Variants in TPCN1 observed in about 807,000 individuals in gnomAD.
TPCN1 encodes two pore channel protein 1.
A neutral mutation model predicts 108.8 loss-of-function variants in TPCN1; 52 were observed. The observed-to-expected ratio is 0.48, with a 90% CI of 0.38 to 0.60. TPCN1 has a LOEUF of 0.60. Among genes scored for constraint, TPCN1 ranks in the 20% least tolerant of loss-of-function variants. The probability of loss-of-function intolerance (pLI) is 0.00; values close to 1 mark genes in which losing one functional copy is unlikely to be tolerated. For synonymous variants in TPCN1, 446 were observed against 433.7 expected, an observed-to-expected ratio of 1.03 and a Z score of -0.35; for missense variants, 806 against 1,072.8, an observed-to-expected ratio of 0.75 and a Z score of 3.47.
chr12:113,293,869 G>A lies in TPCN1; in HGVS notation c.2334+520G>A, dbSNP rs560342101. ...GTGTTTTGTTTTGAGATGGAGTCTC[G>A]CTCTGTCTCCCAGGCTGGAGTGCAG... is the stretch of plus-strand genomic sequence containing the variant. On this transcript the variant is annotated intron_variant, in intron 27 of 27. Coordinates refer to ENST00000335509, the MANE Select transcript of TPCN1 (RefSeq NM_017901.6). Among the ~76,000 whole-genome samples, 86 of 152,250 alleles carry A rather than the reference G, an allele frequency of 5.6e-4. 1 individual carries two copies. Among genetic ancestry groups the A allele is most frequent in the African/African-American group, 2.0e-3 (82 of 41,546 alleles).
chr12:113,284,940 C>T lies in TPCN1; in HGVS notation c.1453+169C>T, dbSNP rs1161225115. 6.6e-6 allele frequency among the ~76,000 whole-genome samples: 1 copy of T among 152,146 alleles called. No individual in the cohort carries two copies. The highest frequency in any genetic ancestry group is 1.5e-5 in the Non-Finnish European group (1 of 68,034). Reference sequence around the variant, plus strand: ...CGTTTAAAACTCTTTCGTGGTTGTCCGCTGCCCTCTGGATGGAGCCCAGAT... The same window carrying T: ...CGTTTAAAACTCTTTCGTGGTTGTCTGCTGCCCTCTGGATGGAGCCCAGAT... On this transcript the variant is annotated intron_variant, in intron 17 of 27. Transcript: ENST00000335509. This position sits in a 1 kb window ranked among gnomAD's most constrained non-coding sequence, Gnocchi z 4.1.
chr12:113,276,309 T>G (rs1955670752), intron 10 of TPCN1, among the ~76,000 whole-genome samples: 1 of 152,230 alleles, frequency 6.6e-6, no homozygotes. Flanking sequence ...TTCTTTCAAG[T>G]TCTTCCCCGG....
In TPCN1 at chr12:113,288,593, C is replaced by T; in HGVS notation, c.1707-165C>T. 1 of 1,483,744 alleles carries T rather than the reference C, an allele frequency of 6.7e-7. No homozygotes were observed. Among genetic ancestry groups the T allele is most frequent in the South Asian group, 1.3e-5 (1 of 75,664 alleles). 91.9% of individuals were successfully genotyped at this position (1,483,744 alleles called of 1,614,324 possible). A position where few individuals can be genotyped will look rare whatever the true frequency, so the allele number is the denominator to read the frequency against. Reference sequence around the variant, plus strand: ...GTCCTGACTTGAGCTGTTTTTCACCCCAGAGCTGCCCCACGAGGCCCCTTC... The same window carrying T: ...GTCCTGACTTGAGCTGTTTTTCACCTCAGAGCTGCCCCACGAGGCCCCTTC... On this transcript the variant is annotated intron_variant, in intron 20 of 27. Transcript: ENST00000335509. The surrounding 1 kb of genome is among the most constrained non-coding windows in gnomAD (Gnocchi z 4.8).
chr12:113,276,914 C>A lies in TPCN1; in HGVS notation c.943-5C>A. 1 of 1,609,062 alleles carries A rather than the reference C, an allele frequency of 6.2e-7. No homozygotes were observed. Among genetic ancestry groups the A allele is most frequent in the Non-Finnish European group, 8.5e-7 (1 of 1,175,890 alleles). ...GAGCTAGGGCTCTGTGCTTCTCTCCCACAGCTTCTGGCTGTGGTGTTCGAC... is the reference window on the plus strand; with the variant it reads ...GAGCTAGGGCTCTGTGCTTCTCTCCAACAGCTTCTGGCTGTGGTGTTCGAC... On this transcript the variant is annotated splice_region_variant and splice_polypyrimidine_tract_variant and intron_variant, in intron 10 of 27. Transcript: ENST00000335509.
rs1365310911 is a variant in TPCN1, at chr12:113,284,255, G to GT, written c.1343-322dup. Among the ~76,000 whole-genome samples, 1 of 152,170 alleles carries GT rather than the reference G, an allele frequency of 6.6e-6. No individual in the cohort carries two copies. Among genetic ancestry groups the GT allele is most frequent in the Non-Finnish European group, 1.5e-5 (1 of 68,034 alleles). On this transcript the variant is annotated intron_variant, in intron 15 of 27. Transcript: ENST00000335509. This position sits in a 1 kb window ranked among gnomAD's most constrained non-coding sequence, Gnocchi z 4.1. ...TAGAAGTCTCTAGGGGAAAACAAGT[G>GT]TTTTCAATACTTGAATGCCTGGTAT...
At chr12:113,228,239 T>G (rs754069289) in intron 2 of TPCN1, among the ~76,000 whole-genome samples, 2 of 152,204 alleles carry the variant, frequency 1.3e-5, no homozygotes, top group African/African-American at 4.8e-5. Flanking sequence ...CCAGAATTCC[T>G]TCCCCTTCTC....
At chr12:113,259,134 G>A (rs1954927998) in intron 2 of TPCN1, among the ~76,000 whole-genome samples, 2 of 151,964 alleles carry the variant, frequency 1.3e-5, no homozygotes, top group Admixed American at 1.3e-4. Context: ...CTTCCACCAC[G>A]CCTGGCTACT....
Position 113,287,100 on chromosome 12 carries a change from G to A in TPCN1, c.1634+6G>A. ...CGCCCCCTCCAGCTGCTGAGGTGATGGGCAGGGCAGAGCCGGAGACAGGGA... is the reference window on the plus strand; with the variant it reads ...CGCCCCCTCCAGCTGCTGAGGTGATAGGCAGGGCAGAGCCGGAGACAGGGA... On this transcript the variant is annotated splice_donor_region_variant and intron_variant, in intron 19 of 27. Coordinates refer to ENST00000335509, the MANE Select transcript of TPCN1 (RefSeq NM_017901.6). The A allele has an allele frequency of 6.2e-7, 1 of 1,608,956 alleles. No homozygotes were observed. The highest frequency in any genetic ancestry group is 8.5e-7 in the Non-Finnish European group (1 of 1,175,962).
At chr12:113,224,280 G>T (rs1953386313) in intron 1 of TPCN1, among the ~76,000 whole-genome samples, 1 of 152,124 alleles carries the variant, frequency 6.6e-6, no homozygotes, top group African/African-American at 2.4e-5. Context: ...ATCCTGTAAT[G>T]GGGGGATAAT....
In TPCN1 at chr12:113,296,041, C is replaced by G. The variant is rs1298021371; in HGVS notation, c.2416C>G (p.Pro806Ala). 6.2e-7 allele frequency: 1 copy of G among 1,613,196 alleles called. No individual in the cohort carries two copies. Among genetic ancestry groups the G allele is most frequent in the Admixed American group, 1.7e-5 (1 of 59,996 alleles). The change falls in exon 28 of 28, where the codon CCA becomes GCA. Residue 806 changes from proline (P) to alanine (A), a missense_variant. By Grantham distance (27) the Pro-to-Ala change is conservative (BLOSUM62 -1). Transcript: ENST00000335509. ...SSAAPAAQQP[P>A]GSRQRSQTVT ...TGCAGCCCCCGCCGCCCAGCAGCCC[C>G]CAGGCAGCCGCCAGCGCTCCCAGAC...
intron 2 of TPCN1, among the ~76,000 whole-genome samples, chr12:113,228,194 G>A (rs551199561): frequency 1.3e-5 from 2 of 152,340 alleles, no homozygotes; most frequent in Admixed American, 6.5e-5. Flanking sequence ...CCAGGAAATG[G>A]TTGAGCAGAG....
rs955114273 is a variant in TPCN1, at chr12:113,297,690, C to T, written c.*1614C>T. On this transcript the variant is annotated 3_prime_UTR_variant, in exon 28 of 28. Transcript: ENST00000335509. This position sits in a 1 kb window ranked among gnomAD's most constrained non-coding sequence, Gnocchi z 4.4. ...TTGGGAAAGCAACACATTATTGAGA[C>T]TCACTGTGATTCCCCCGGGAGTCAG... is the stretch of plus-strand genomic sequence containing the variant. 6.6e-6 allele frequency: 1 copy of T among 152,518 alleles called. No individual in the cohort carries two copies. The highest frequency in any genetic ancestry group is 6.5e-5 in the Admixed American group (1 of 15,290). The allele number at this position is 152,518 out of a possible 1,614,324, so 9.4% of individuals were successfully genotyped here. A position where few individuals can be genotyped will look rare whatever the true frequency, so the allele number is the denominator to read the frequency against.
At chr12:113,242,228 A>G (rs945876153) in intron 2 of TPCN1, among the ~76,000 whole-genome samples, 1 of 152,186 alleles carries the variant, frequency 6.6e-6, no homozygotes, top group Non-Finnish European at 1.5e-5. Context: ...ATGTTTGCAG[A>G]TGGGTTAGGG....
intron 27 of TPCN1, among the ~76,000 whole-genome samples, chr12:113,294,941 C>CG (rs1956378582): frequency 6.6e-6 from 1 of 152,150 alleles, no homozygotes; most frequent in Non-Finnish European, 1.5e-5. Flanking sequence ...GCCTGAAAAG[C>CG]GGGGGGTGCT....
chr12:113,222,309 T>C (rs940971824), intron 1 of TPCN1, among the ~76,000 whole-genome samples: 2 of 152,206 alleles, frequency 1.3e-5, no homozygotes, highest in Non-Finnish European at 2.9e-5. Context: ...TTGAAACTTA[T>C]AAAAGGCAAG....
chr12:113,242,386 T>C (rs1954177993), intron 2 of TPCN1, among the ~76,000 whole-genome samples: 1 of 152,190 alleles, frequency 6.6e-6, no homozygotes, highest in Non-Finnish European at 1.5e-5. Flanking sequence ...GCGGAAACAG[T>C]GGAGGGAAAG....
intron 12 of TPCN1, 144 bp downstream of exon 12, chr12:113,277,508 T>C (rs904402538): frequency 1.0e-6 from 1 of 989,752 alleles, no homozygotes; most frequent in Non-Finnish European, 1.5e-6. Context: ...CCATGTAGAC[T>C]TACACACTGG....
intron 2 of TPCN1, among the ~76,000 whole-genome samples, chr12:113,227,699 G>A (rs1346919446): frequency 6.6e-6 from 1 of 152,178 alleles, no homozygotes; most frequent in Non-Finnish European, 1.5e-5. Context: ...TAAGACATCA[G>A]GAAGCAGTGC....
At chr12:113,290,267 G>T (rs1257174450) in intron 22 of TPCN1, 24 bp downstream of exon 22, 3 of 1,496,030 alleles carry the variant, frequency 2.0e-6, no homozygotes, top group Non-Finnish European at 9.2e-7. Flanking sequence ...ATCACAGGGG[G>T]CACATTCCCT....
Sources: gnomAD v4.1 joint callset for allele counts (sites outside exome capture counted in the v4.1 genomes callset) on GRCh38, gnomAD v4.1.1 for gene constraint, Gnocchi (gnomAD v3.1) non-coding constraint, MANE v1.5 for transcripts, NCBI Gene and HGNC (gene_info 2026-07-23, HGNC 2026-07-21) for gene names.